Variants in CDKN1B observed in about 807,000 individuals in gnomAD.
CDKN1B encodes the protein cyclin dependent kinase inhibitor 1B.
A neutral mutation model predicts 17.1 loss-of-function variants in CDKN1B; 7 were observed. That is an observed-to-expected ratio of 0.41 (90% CI 0.23 to 0.77). The LOEUF is 0.77. Ranked by LOEUF, CDKN1B falls within the 30% of genes least tolerant of loss-of-function variation. CDKN1B has a pLI of 0.33. For synonymous variants in CDKN1B, 149 were observed against 104.3 expected (o/e 1.43, Z -2.61); for missense variants, 337 against 262.0 (o/e 1.29, Z -1.98).
Position 12,721,025 on chromosome 12 carries a change from T to C in CDKN1B, c.*9-11T>C. On this transcript the variant is annotated splice_polypyrimidine_tract_variant and intron_variant, in intron 2 of 2. Transcript: ENST00000228872. ...CTTCCTTTAATTCTTCCGTTTTGTT[T>C]TCTTTTGCAGAATTAAGAATATGTT... 2.9e-6 allele frequency: 2 copies of C among 681,878 alleles called. No individual in the cohort carries two copies. The highest frequency in any genetic ancestry group is 1.8e-5 in the African/African-American group (1 of 56,232). The allele number at this position is 681,878 out of a possible 1,614,324, so 42.2% of individuals were successfully genotyped here.
chr12:12,718,351 G>T, intron 1 of CDKN1B, 37 bp downstream of exon 1: 1 of 1,549,562 alleles, frequency 6.5e-7, no homozygotes, highest in Non-Finnish European at 8.8e-7. Flanking sequence ...TGTGTTTGGG[G>T]CCCCGCTTTG....
In CDKN1B at chr12:12,721,968, G is replaced by C. The variant is rs1339807712; in HGVS notation, c.*941G>C. 1 of 152,140 alleles carries C rather than the reference G, an allele frequency of 6.6e-6. No homozygotes were observed. Among genetic ancestry groups the C allele is most frequent in the Non-Finnish European group, 1.5e-5 (1 of 68,030 alleles). 9.4% of individuals were successfully genotyped at this position (152,140 alleles called of 1,614,324 possible). A position where few individuals can be genotyped will look rare whatever the true frequency, so the allele number is the denominator to read the frequency against. ...GCTTACTCTGTCCATTTATCCACAGGAAAGTGTTATTTTTCAAGGAAGGTT... is the reference window on the plus strand; with the variant it reads ...GCTTACTCTGTCCATTTATCCACAGCAAAGTGTTATTTTTCAAGGAAGGTT... On this transcript the variant is annotated 3_prime_UTR_variant, in exon 3 of 3. Transcript: ENST00000228872.
At chr12:12,719,076 G>A in intron 2 of CDKN1B, 122 bp downstream of exon 2, 2 of 1,301,384 alleles carry the variant, frequency 1.5e-6, no homozygotes, top group South Asian at 2.5e-5. Context: ...TATACTTCGT[G>A]AGGTCAAAAA....
rs1290810144 is a variant in CDKN1B at position 12,719,073 on chromosome 12, C to T, written c.*8+119C>T. On this transcript the variant is annotated intron_variant, in intron 2 of 2. Coordinates refer to ENST00000228872, the MANE Select transcript of CDKN1B (RefSeq NM_004064.5). ...ATGGGGTTTTGTTTTGTTTATACTT[C>T]GTGAGGTCAAAAAAGTAGCAATGGG... The T allele has an allele frequency of 2.3e-6, 3 of 1,315,070 alleles. 1 individual carries two copies. Among genetic ancestry groups the T allele is most frequent in the South Asian group, 2.5e-5 (2 of 80,646 alleles). The allele number at this position is 1,315,070 out of a possible 1,614,324, so 81.5% of individuals were successfully genotyped here.
chr12:12,719,101 AG>A (rs1475542376), intron 2 of CDKN1B, 147 bp downstream of exon 2: 1 of 913,384 alleles, frequency 1.1e-6, no homozygotes, highest in Non-Finnish European at 1.7e-6. Context: ...GCAATGGGGA[AG>A]GCTGGGGATA....
chr12:12,719,162 GTT>G (rs1376030928), intron 2 of CDKN1B: 9 of 600,324 alleles, frequency 1.5e-5, no homozygotes, highest in African/African-American at 1.1e-4. Context: ...TCTTCAAACT[GTT>G]GACCAGAGCA....
At chr12:12,718,714 G>A in intron 1 of CDKN1B, 111 bp from the exon 2 acceptor site, 3 of 1,218,430 alleles carry the variant, frequency 2.5e-6, no homozygotes, top group South Asian at 2.4e-5. Flanking sequence ...CCAGGATTGT[G>A]GGTGGAGGTA....
At position 12,721,975 on chromosome 12, in the gene CDKN1B, T is replaced by C. The variant is rs886049086; in HGVS notation, c.*948T>C. The C allele has an allele frequency of 2.0e-5, 3 of 152,228 alleles. No homozygotes were observed. The highest frequency in any genetic ancestry group is 7.2e-5 in the African/African-American group (3 of 41,462). 9.4% of individuals were successfully genotyped at this position (152,228 alleles called of 1,614,324 possible). On this transcript the variant is annotated 3_prime_UTR_variant, in exon 3 of 3. Coordinates refer to ENST00000228872, the MANE Select transcript of CDKN1B (RefSeq NM_004064.5). ...CTGTCCATTTATCCACAGGAAAGTG[T>C]TATTTTTCAAGGAAGGTTCATGTAG...
chr12:12,717,431 C>T lies in CDKN1B; in HGVS notation c.-409C>T. ...ACTAAAAAAAGGGGGCTCGTCTTTT[C>T]GGGGTGTTTTTCTCCCCCTCCCCTG... On this transcript the variant is annotated 5_prime_UTR_variant, in exon 1 of 3. Transcript: ENST00000228872. The T allele has an allele frequency of 2.4e-6, 3 of 1,240,066 alleles. No homozygotes were observed. The highest frequency in any genetic ancestry group is 2.0e-5 in the South Asian group (1 of 48,834). The allele number at this position is 1,240,066 out of a possible 1,614,324, so 76.8% of individuals were successfully genotyped here. A position where few individuals can be genotyped will look rare whatever the true frequency, so the allele number is the denominator to read the frequency against.
Position 12,718,094 on chromosome 12 carries a change from C to G in CDKN1B, c.255C>G (p.Pro85=), listed in dbSNP as rs1242997286. The change falls in exon 1 of 3, where the codon CCC becomes CCG. Residue 85 remains proline (P), a synonymous_variant. Coordinates refer to ENST00000228872, the MANE Select transcript of CDKN1B (RefSeq NM_004064.5). ...EWQEVEKGSL[P]EFYYRPPRPP... ...AAGAGGTGGAGAAGGGCAGCTTGCC[C>G]GAGTTCTACTACAGACCCCCGCGGC... 1 of 1,614,232 alleles carries G rather than the reference C, an allele frequency of 6.2e-7. No individual in the cohort carries two copies. Among genetic ancestry groups the G allele is most frequent in the Non-Finnish European group, 8.5e-7 (1 of 1,180,040 alleles).
At chr12:12,719,147 CT>C (rs1461435125) in intron 2 of CDKN1B, 193 bp downstream of exon 2, 17 of 652,326 alleles carry the variant, frequency 2.6e-5, no homozygotes, top group Non-Finnish European at 3.9e-5. Flanking sequence ...CCCAGAGATA[CT>C]TTCTCTTCAA....
chr12:12,720,954 T>G (rs1004952124), intron 2 of CDKN1B, 82 bp from the exon 3 acceptor site: 1 of 564,010 alleles, frequency 1.8e-6, no homozygotes, highest in Admixed American at 3.4e-5. Context: ...GCTAACATAG[T>G]GACAAAATAA....
In CDKN1B at chr12:12,718,097, G is replaced by A. The variant is rs142940486; in HGVS notation, c.258G>A (p.Glu86=). The A allele has an allele frequency of 3.5e-4, 557 of 1,614,230 alleles. 8 individuals are homozygous for A. In the East Asian group the frequency reaches 0.012, roughly 36 times the overall value. The change falls in exon 1 of 3, where the codon GAG becomes GAA. Residue 86 remains glutamate, a synonymous_variant. Coordinates refer to ENST00000228872, the MANE Select transcript of CDKN1B (RefSeq NM_004064.5). ...AGGTGGAGAAGGGCAGCTTGCCCGA[G>A]TTCTACTACAGACCCCCGCGGCCCC... The part of the protein sequence containing the change: ...WQEVEKGSLP[E]FYYRPPRPPK...
chr12:12,718,396 G>A (rs946451368), intron 1 of CDKN1B, 82 bp downstream of exon 1: 3 of 1,276,746 alleles, frequency 2.3e-6, no homozygotes, highest in Non-Finnish European at 3.3e-6. Flanking sequence ...CTTGCTTTTC[G>A]GCGTATTCTG....
intron 1 of CDKN1B, 103 bp from the exon 2 acceptor site, chr12:12,718,722 G>T (rs765856102): frequency 1.6e-6 from 2 of 1,285,406 alleles, no homozygotes; most frequent in Admixed American, 1.7e-5. Context: ...GTGGGTGGAG[G>T]TAGTGGGTTT....
Position 12,717,413 on chromosome 12 carries a change from A to G in CDKN1B, c.-427A>G, listed in dbSNP as rs1431163181. 21 of 1,217,424 alleles carry G rather than the reference A, an allele frequency of 1.7e-5. No individual in the cohort carries two copies. Among genetic ancestry groups the G allele is most frequent in the South Asian group, 2.1e-5 (1 of 47,050 alleles). The allele number at this position is 1,217,424 out of a possible 1,614,324, so 75.4% of individuals were successfully genotyped here. On this transcript the variant is annotated 5_prime_UTR_variant, in exon 1 of 3. Coordinates refer to ENST00000228872, the MANE Select transcript of CDKN1B (RefSeq NM_004064.5). Reference sequence around the variant, plus strand: ...CCACCGCCATATTGGGCCACTAAAAAAAGGGGGCTCGTCTTTTCGGGGTGT... The same window carrying G: ...CCACCGCCATATTGGGCCACTAAAAGAAGGGGGCTCGTCTTTTCGGGGTGT...
At chr12:12,720,878 G>T (rs1219448531) in intron 2 of CDKN1B, among the ~76,000 whole-genome samples, 158 bp from the exon 3 acceptor site, 1 of 152,166 alleles carries the variant, frequency 6.6e-6, no homozygotes, top group Non-Finnish European at 1.5e-5. Context: ...AAAAAATCCA[G>T]TTAAGAGAAT....
Position 12,717,408 on chromosome 12 carries a change from TA to T in CDKN1B, c.-425del. On this transcript the variant is annotated 5_prime_UTR_variant, in exon 1 of 3. Transcript: ENST00000228872. ...CCCTTCCACCGCCATATTGGGCCACTAAAAAAAGGGGGCTCGTCTTTTCGGG... is the reference window on the plus strand; with the variant it reads ...CCCTTCCACCGCCATATTGGGCCACTAAAAAAGGGGGCTCGTCTTTTCGGG... The T allele has an allele frequency of 6.6e-6, 8 of 1,205,506 alleles. No homozygotes were observed. Among genetic ancestry groups the T allele is most frequent in the East Asian group, 4.0e-5 (1 of 24,888 alleles). 74.7% of individuals were successfully genotyped at this position (1,205,506 alleles called of 1,614,324 possible). A position where few individuals can be genotyped will look rare whatever the true frequency, so the allele number is the denominator to read the frequency against.
Position 12,719,220 on chromosome 12 carries a change from G to A in CDKN1B, c.*8+266G>A. The A allele has an allele frequency of 4.4e-6, 2 of 451,860 alleles. 1 individual carries two copies. The highest frequency in any genetic ancestry group is 9.1e-5 in the East Asian group (2 of 22,056). The allele number at this position is 451,860 out of a possible 1,614,324, so 28.0% of individuals were successfully genotyped here. On this transcript the variant is annotated intron_variant, in intron 2 of 2. Transcript: ENST00000228872. Reference sequence around the variant, plus strand: ...CATCGGGTAGGAAGGTCGTTTCCCTGTGAGTCCCACTAAAACGTGTTGGGA... The same window carrying A: ...CATCGGGTAGGAAGGTCGTTTCCCTATGAGTCCCACTAAAACGTGTTGGGA...
Sources: gnomAD v4.1 joint callset for allele counts (sites outside exome capture counted in the v4.1 genomes callset) on GRCh38, gnomAD v4.1.1 for gene constraint, MANE v1.5 for transcripts, NCBI Gene and HGNC (gene_info 2026-07-23, HGNC 2026-07-21) for gene names.